Variants in CDC42BPA observed in about 807,000 individuals in gnomAD.
The protein encoded by CDC42BPA is CDC42 binding protein kinase alpha.
A neutral mutation model predicts 223.5 loss-of-function variants in CDC42BPA; 80 were observed. The ratio of observed to expected loss-of-function variants is 0.36; its 90% CI spans 0.30 to 0.43. The LOEUF (loss-of-function observed/expected upper bound fraction) is 0.43. CDC42BPA is among the 20% of genes least tolerant of loss of function. The pLI, the probability that CDC42BPA is intolerant of heterozygous loss-of-function variation, is 1.00. For missense variants in CDC42BPA, 1,743 were observed against 2,099.9 expected, an observed-to-expected ratio of 0.83 and a Z score of 3.32; for synonymous variants, 694 against 718.6, an observed-to-expected ratio of 0.97 and a Z score of 0.55.
chr1:227,295,172 T>A (rs1240920534), intron 1 of CDC42BPA, among the ~76,000 whole-genome samples: 1 of 152,124 alleles, frequency 6.6e-6, no homozygotes, highest in Non-Finnish European at 1.5e-5. Flanking sequence ...ATATGAAATA[T>A]AATTTTTTCT....
chr1:227,248,891 GTCAAAGTATTAATGACATTCTT>G (rs1246538331), intron 2 of CDC42BPA, among the ~76,000 whole-genome samples: 1 of 152,066 alleles, frequency 6.6e-6, no homozygotes, highest in African/African-American at 2.4e-5. Context: ...TGCAATCCCT[GTCAAAGTATTAATGACATTCTT>G]TCACAGAAAT....
At chr1:227,078,969 C>A (rs898444154) in intron 17 of CDC42BPA, among the ~76,000 whole-genome samples, 9 of 151,950 alleles carry the variant, frequency 5.9e-5, no homozygotes, top group African/African-American at 1.9e-4. Context: ...AAAAGAAATC[C>A]AAAATACTTC....
intron 2 of CDC42BPA, among the ~76,000 whole-genome samples, chr1:227,220,282 T>TTATATATA (rs368690606): frequency 1.5e-3 from 150 of 100,774 alleles, no homozygotes; most frequent in East Asian, 7.9e-3. Context: ...AAAAGTCATG[T>TTATATATA]TATATATATA....
At chr1:227,261,736 C>T (rs923954256) in intron 1 of CDC42BPA, among the ~76,000 whole-genome samples, 1 of 152,116 alleles carries the variant, frequency 6.6e-6, no homozygotes. Flanking sequence ...GAAGGTATTG[C>T]TGGTGGCTTA....
intron 19 of CDC42BPA, 55 bp downstream of exon 19, chr1:227,073,809 A>T (rs1678919396): frequency 7.3e-7 from 1 of 1,370,968 alleles, no homozygotes; most frequent in Non-Finnish European, 9.9e-7. Context: ...TTCTCTCCAA[A>T]TAATTATGAC....
At position 227,317,353 on chromosome 1, in the gene CDC42BPA, T is replaced by C; in HGVS notation, c.-171A>G. 1 of 594,690 alleles carries C rather than the reference T, an allele frequency of 1.7e-6. No individual in the cohort carries two copies. The highest frequency in any genetic ancestry group is 2.8e-6 in the Non-Finnish European group (1 of 353,598). The allele number at this position is 594,690 out of a possible 1,614,324, so 36.8% of individuals were successfully genotyped here. Reference sequence around the variant, plus strand: ...CATCCAACACACCAGTAACCTCACTTAACTGAAGCGTCTTCAATTTCACCC... The same window carrying C: ...CATCCAACACACCAGTAACCTCACTCAACTGAAGCGTCTTCAATTTCACCC... On this transcript the variant is annotated 5_prime_UTR_variant, in exon 1 of 37. Coordinates refer to ENST00000366766, the MANE Select transcript of CDC42BPA (RefSeq NM_001394014.1).
chr1:227,129,789 A>G (rs907083169), intron 10 of CDC42BPA, among the ~76,000 whole-genome samples: 3 of 150,658 alleles, frequency 2.0e-5, no homozygotes, highest in Admixed American at 6.6e-5. Flanking sequence ...TCAACTACAT[A>G]GCTCCTTTTT....
chr1:227,301,892 A>G (rs1359149600), intron 1 of CDC42BPA, among the ~76,000 whole-genome samples: 7 of 152,136 alleles, frequency 4.6e-5, no homozygotes, highest in Non-Finnish European at 8.8e-5. Context: ...CTATAACCAT[A>G]TAAGTTATTA....
chr1:227,240,726 A>G (rs1334408191), intron 2 of CDC42BPA, among the ~76,000 whole-genome samples: 1 of 151,966 alleles, frequency 6.6e-6, no homozygotes, highest in African/African-American at 2.4e-5. Context: ...CCGATATCAC[A>G]TCAGACATGA....
chr1:227,054,250 TTTGA>T (rs1190158541), intron 21 of CDC42BPA, among the ~76,000 whole-genome samples: 30 of 152,188 alleles, frequency 2.0e-4, no homozygotes. Context: ...ATTATCTGGG[TTTGA>T]TTATTTCAAA....
chr1:227,231,965 C>T (rs1384402834), intron 2 of CDC42BPA, among the ~76,000 whole-genome samples: 1 of 152,024 alleles, frequency 6.6e-6, no homozygotes, highest in East Asian at 1.9e-4. Flanking sequence ...TTTCTTTTGC[C>T]ATACAGAAGC....
chr1:227,211,788 A>G (rs1190631166), intron 3 of CDC42BPA, among the ~76,000 whole-genome samples: 1 of 152,012 alleles, frequency 6.6e-6, no homozygotes, highest in East Asian at 1.9e-4. Flanking sequence ...GAAGGGGGTG[A>G]GGGCTGACAA....
intron 15 of CDC42BPA, among the ~76,000 whole-genome samples, chr1:227,100,659 A>T (rs1431909310): frequency 2.7e-5 from 4 of 147,786 alleles, no homozygotes; most frequent in Admixed American, 6.8e-5. Context: ...CTGGGCTTGA[A>T]CTCCTGGGCT....
chr1:227,113,691 T>C (rs1020004777), intron 12 of CDC42BPA, among the ~76,000 whole-genome samples: 7 of 152,002 alleles, frequency 4.6e-5, no homozygotes, highest in African/African-American at 9.7e-5. Flanking sequence ...AGCAGATTTA[T>C]AGAAGAACTG....
intron 1 of CDC42BPA, among the ~76,000 whole-genome samples, chr1:227,273,994 CCA>C (rs1558926936): frequency 5.2e-5 from 1 of 19,280 alleles, no homozygotes; most frequent in African/African-American, 1.9e-4. Context: ...TTCGTATACA[CCA>C]AAAAAAAAAA....
Position 227,142,898 on chromosome 1 carries a change from G to C in CDC42BPA, c.1223+47C>G, listed in dbSNP as rs368559751. On this transcript the variant is annotated intron_variant, in intron 9 of 36. Coordinates refer to ENST00000366766, the MANE Select transcript of CDC42BPA (RefSeq NM_001394014.1). ...CTCCCAAAGTGTTGGGATTACAGGC[G>C]TGAGCCACTGCACTTGGCCCAAACT... is the stretch of plus-strand genomic sequence containing the variant. The C allele has an allele frequency of 3.8e-6, 5 of 1,306,964 alleles. No individual in the cohort carries two copies. In the African/African-American group the frequency reaches 6.2e-5, roughly 16 times the overall value. 81.0% of individuals were successfully genotyped at this position (1,306,964 alleles called of 1,614,324 possible). A position where few individuals can be genotyped will look rare whatever the true frequency, so the allele number is the denominator to read the frequency against.
chr1:227,076,293 G>A (rs188066686), intron 17 of CDC42BPA, among the ~76,000 whole-genome samples: 212 of 151,832 alleles, frequency 1.4e-3, no homozygotes, highest in African/African-American at 4.0e-3. Context: ...GTCTTGCTCC[G>A]TTGCCCATGC....
chr1:227,170,661 T>A (rs983180016), intron 5 of CDC42BPA, among the ~76,000 whole-genome samples: 1 of 152,164 alleles, frequency 6.6e-6, no homozygotes, highest in Non-Finnish European at 1.5e-5. Context: ...GAGAACTTCA[T>A]ATGCATTGAA....
At chr1:227,285,207 C>T (rs1688630823) in intron 1 of CDC42BPA, among the ~76,000 whole-genome samples, 1 of 152,178 alleles carries the variant, frequency 6.6e-6, no homozygotes, top group Admixed American at 6.5e-5. Flanking sequence ...AACTATGATT[C>T]TTAATCAGAA....
Sources: gnomAD v4.1 joint callset for allele counts (sites outside exome capture counted in the v4.1 genomes callset) on GRCh38, gnomAD v4.1.1 for gene constraint, MANE v1.5 for transcripts, NCBI Gene and HGNC (gene_info 2026-07-23, HGNC 2026-07-21) for gene names.